Variants in SPHKAP observed in about 807,000 individuals in gnomAD.
The protein encoded by SPHKAP is A-kinase anchor protein SPHKAP.
SPHKAP carries 67 observed loss-of-function variants against 137.5 expected under a neutral mutation model. The ratio of observed to expected loss-of-function variants is 0.49; its 90% CI spans 0.40 to 0.60. The LOEUF (loss-of-function observed/expected upper bound fraction) is 0.60. SPHKAP is among the 20% of genes least tolerant of loss of function. SPHKAP has a pLI of 0.00. For missense variants in SPHKAP, 2,097 were observed against 2,069.3 expected, an observed-to-expected ratio of 1.01 and a Z score of -0.26; for synonymous variants, 813 against 785.3, an observed-to-expected ratio of 1.04 and a Z score of -0.59.
chr2:227,988,973 C>G (rs1693313277), intron 11 of SPHKAP, among the ~76,000 whole-genome samples: 1 of 152,026 alleles, frequency 6.6e-6, no homozygotes, highest in Admixed American at 6.6e-5. Context: ...GTGTTAATTA[C>G]CAGTTGGAAA....
intron 2 of SPHKAP, among the ~76,000 whole-genome samples, chr2:228,120,429 A>T (rs1376786224): frequency 2.6e-5 from 4 of 152,118 alleles, no homozygotes; most frequent in Admixed American, 2.6e-4. Flanking sequence ...CACAAAATGG[A>T]GATGCTTTAT....
At chr2:228,030,165 A>G (rs909204388) in intron 3 of SPHKAP, among the ~76,000 whole-genome samples, 6 of 152,154 alleles carry the variant, frequency 3.9e-5, no homozygotes, top group Admixed American at 2.0e-4. Context: ...ATAGTAGGGG[A>G]TGATCCAGGC....
chr2:228,041,844 C>T (rs1274955868), intron 3 of SPHKAP, among the ~76,000 whole-genome samples: 2 of 151,854 alleles, frequency 1.3e-5, no homozygotes, highest in African/African-American at 4.8e-5. Context: ...TCTGGCTCTG[C>T]TCTCAGCTCC....
intron 1 of SPHKAP, among the ~76,000 whole-genome samples, chr2:228,163,433 C>G (rs557722771): frequency 1.2e-4 from 18 of 152,228 alleles, no homozygotes; most frequent in African/African-American, 3.1e-4. Context: ...CTTTTATGTT[C>G]ACTATGCAAG....
chr2:228,065,512 C>A lies in SPHKAP; in HGVS notation c.247-37969G>T, dbSNP rs554906417. Among the ~76,000 whole-genome samples, 115 of 152,214 alleles carry A rather than the reference C, an allele frequency of 7.6e-4. 3 individuals carry two copies. The South Asian group carries it at 9.3e-3, about 12-fold the overall frequency. On this transcript the variant is annotated intron_variant, in intron 3 of 11. Transcript: ENST00000392056. ...TGGAGACCGCAAGTCTAAACTATTT[C>A]AAAAAGTTTGGCTATAAAAGGGGGC...
At chr2:228,069,969 C>T (rs753495531) in intron 3 of SPHKAP, among the ~76,000 whole-genome samples, 7 of 152,114 alleles carry the variant, frequency 4.6e-5, no homozygotes, top group Admixed American at 2.6e-4. Context: ...ATCAGGAACA[C>T]GTGATTGGGC....
chr2:228,081,586 T>A (rs1267747961), intron 3 of SPHKAP, among the ~76,000 whole-genome samples: 2 of 152,184 alleles, frequency 1.3e-5, no homozygotes, highest in Non-Finnish European at 2.9e-5. Context: ...AAATGTGGTA[T>A]GTATACTTAA....
At chr2:227,990,920 G>C (rs1693388275) in intron 11 of SPHKAP, 80 bp downstream of exon 11, 2 of 1,381,372 alleles carry the variant, frequency 1.4e-6, no homozygotes, top group Non-Finnish European at 2.0e-6. Context: ...AATGGACAGG[G>C]GTTTACTGAG....
At chr2:228,055,433 A>G (rs1462203822) in intron 3 of SPHKAP, among the ~76,000 whole-genome samples, 1 of 152,168 alleles carries the variant, frequency 6.6e-6, no homozygotes, top group Non-Finnish European at 1.5e-5. Flanking sequence ...GGGAAGGTTC[A>G]TTCCCAGGTC....
In SPHKAP at chr2:228,021,958, C is replaced by G. The variant is rs1694859154; in HGVS notation, c.450G>C (p.Trp150Cys). ...QADFEVSQCP[W>C]LPDICLVQCA... ...ATTGGACCAAGCAGATATCTGGCAG[C>G]CAAGGGCACTAAAAGTGGAGAGAAA... The change falls in exon 6 of 12, where the codon TGG (tryptophan) becomes TGC (cysteine). Residue 150 changes from tryptophan to cysteine, a missense_variant. By Grantham distance (215) the Trp-to-Cys change is radical. Coordinates refer to ENST00000392056, the MANE Select transcript of SPHKAP (RefSeq NM_001142644.2). The G allele has an allele frequency of 6.3e-7, 1 of 1,590,976 alleles. No individual in the cohort carries two copies. The highest frequency in any genetic ancestry group is 8.6e-7 in the Non-Finnish European group (1 of 1,169,140).
intron 1 of SPHKAP, among the ~76,000 whole-genome samples, chr2:228,134,961 A>G (rs1459391175): frequency 6.6e-6 from 1 of 152,170 alleles, no homozygotes; most frequent in Non-Finnish European, 1.5e-5. Context: ...CGCTCCTTCC[A>G]GATATGAAAC....
intron 1 of SPHKAP, among the ~76,000 whole-genome samples, chr2:228,134,400 G>A (rs151027686): frequency 4.5e-4 from 68 of 152,272 alleles, no homozygotes; most frequent in African/African-American, 1.5e-3. Context: ...TGACATGTTT[G>A]GACTAAAGTG....
In SPHKAP at chr2:228,012,283, TTGTCTTCCTTTAAAA is replaced by T. The variant is rs1285688478; in HGVS notation, c.4448+4108_4448+4122del. On this transcript the variant is annotated intron_variant, in intron 7 of 11. Coordinates refer to ENST00000392056, the MANE Select transcript of SPHKAP (RefSeq NM_001142644.2). Reference sequence around the variant, plus strand: ...AAGCTTATTTGCTTGTCTTCCTTGCTTGTCTTCCTTTAAAAAAAAAGATCAGCTTCATACCTAAAA... The same window carrying T: ...AAGCTTATTTGCTTGTCTTCCTTGCTAAAAAGATCAGCTTCATACCTAAAA... Among the ~76,000 whole-genome samples, 599 of 151,992 alleles carry T rather than the reference TTGTCTTCCTTTAAAA, an allele frequency of 3.9e-3. 4 individuals carry two copies. Among genetic ancestry groups the T allele is most frequent in the African/African-American group, 0.014 (560 of 41,334 alleles).
At chr2:228,083,460 G>T (rs989512760) in intron 3 of SPHKAP, among the ~76,000 whole-genome samples, 2 of 151,974 alleles carry the variant, frequency 1.3e-5, no homozygotes, top group Non-Finnish European at 2.9e-5. Flanking sequence ...TTTTTTCTAT[G>T]TTTTTTGGCC....
intron 1 of SPHKAP, among the ~76,000 whole-genome samples, chr2:228,158,158 A>G (rs75339037): frequency 0.12 from 17,584 of 152,188 alleles, 1,102 homozygotes; most frequent in East Asian, 0.2. Flanking sequence ...AGTGAAATTC[A>G]TCAGCATTCT....
Position 228,018,560 on chromosome 2 carries a change from G to A in SPHKAP, c.2294C>T (p.Ala765Val), listed in dbSNP as rs747762395. ...TGGAGAGCTGCTGGAGGATTCAGTG[G>A]CTTTTGTCCAAGCTTGACTAGCACC... ...DPGASQAWTK[A>V]TESSSSSPLS... The change falls in exon 7 of 12, where the codon GCC (alanine) becomes GTC (valine). Residue 765 changes from alanine (A) to valine (V), a missense_variant. Coordinates refer to ENST00000392056, the MANE Select transcript of SPHKAP (RefSeq NM_001142644.2). The A allele has an allele frequency of 6.2e-7, 1 of 1,613,774 alleles. No individual in the cohort carries two copies. Among genetic ancestry groups the A allele is most frequent in the Non-Finnish European group, 8.5e-7 (1 of 1,179,838 alleles).
At chr2:228,029,302 CTTAG>C (rs913453307) in intron 3 of SPHKAP, among the ~76,000 whole-genome samples, 6 of 152,086 alleles carry the variant, frequency 3.9e-5, no homozygotes, top group African/African-American at 1.2e-4. Flanking sequence ...GCTTTCTGAT[CTTAG>C]TTACTTTTTG....
chr2:228,151,173 A>G (rs1037670999), intron 1 of SPHKAP, among the ~76,000 whole-genome samples: 15 of 150,504 alleles, frequency 1.0e-4, no homozygotes, highest in African/African-American at 3.7e-4. Flanking sequence ...TATGAGTGAG[A>G]ACATGCGGTG....
At chr2:228,056,931 C>T (rs867205941) in intron 3 of SPHKAP, among the ~76,000 whole-genome samples, 16 of 152,254 alleles carry the variant, frequency 1.1e-4, no homozygotes, top group African/African-American at 3.9e-4. Flanking sequence ...TCATGAATCA[C>T]CAGTGCTCAA....
Sources: gnomAD v4.1 joint callset for allele counts (sites outside exome capture counted in the v4.1 genomes callset) on GRCh38, gnomAD v4.1.1 for gene constraint, MANE v1.5 for transcripts, NCBI Gene and HGNC (gene_info 2026-07-23, HGNC 2026-07-21) for gene names.